UGT8: variants seen among roughly 807,000 people sequenced by gnomAD.
UGT8 encodes 2-hydroxyacylsphingosine 1-beta-galactosyltransferase.
Under a neutral mutation model 40.5 loss-of-function variants are expected in UGT8, and 12 were observed. That is an observed-to-expected ratio of 0.30 (90% CI 0.19 to 0.48). The LOEUF is 0.48. Among genes scored for constraint, UGT8 ranks in the 20% least tolerant of loss-of-function variants. UGT8 has a pLI of 0.99. For synonymous variants in UGT8, 224 were observed against 240.4 expected (o/e 0.93, Z 0.63); for missense variants, 513 against 648.7 (o/e 0.79, Z 2.27).
intron 1 of UGT8, among the ~76,000 whole-genome samples, chr4:114,620,014 A>G (rs990010631): frequency 1.3e-5 from 2 of 151,782 alleles, no homozygotes; most frequent in Non-Finnish European, 2.9e-5. Context: ...TATCTTGACA[A>G]TGCTATTCTA....
At chr4:114,609,368 A>T (rs767856437) in intron 1 of UGT8, among the ~76,000 whole-genome samples, 11 of 152,238 alleles carry the variant, frequency 7.2e-5, no homozygotes, top group Non-Finnish European at 1.3e-4. Context: ...GCCAGTTTTA[A>T]ATAATTCTTG....
intron 2 of UGT8, among the ~76,000 whole-genome samples, chr4:114,646,735 T>A (rs1414304566): frequency 6.6e-6 from 1 of 152,216 alleles, no homozygotes. Flanking sequence ...TTCCATGCTA[T>A]GTGATGCTAA....
In UGT8 at chr4:114,669,232, T is replaced by C. The variant is rs183050932; in HGVS notation, c.1262+928T>C. ...GAGCTCAGGGGTGACCTTCATGCTC[T>C]GGACTCTTAAAGGATCCAGTGTCGG... On this transcript the variant is annotated intron_variant, in intron 5 of 5. Transcript: ENST00000310836. 1.4e-3 allele frequency among the ~76,000 whole-genome samples: 214 copies of C among 152,328 alleles called. 2 individuals are homozygous for C. The highest frequency in any genetic ancestry group is 1.1e-3 in the Non-Finnish European group (74 of 68,028).
At chr4:114,641,241 C>A (rs1474468381) in intron 2 of UGT8, among the ~76,000 whole-genome samples, 1 of 152,194 alleles carries the variant, frequency 6.6e-6, no homozygotes, top group African/African-American at 2.4e-5. Context: ...TCTTCATAGA[C>A]AAGGTTACCC....
chr4:114,599,472 A>G (rs949164230), intron 1 of UGT8, among the ~76,000 whole-genome samples: 2 of 152,100 alleles, frequency 1.3e-5, no homozygotes, highest in Non-Finnish European at 2.9e-5. Flanking sequence ...TCTTCCCCCT[A>G]AGGAGGAACA....
Position 114,676,044 on chromosome 4 carries a change from G to C in UGT8, c.1382G>C (p.Arg461Pro). The change falls in exon 6 of 6, where the codon CGT becomes CCT. Residue 461 changes from arginine (R) to proline (P), a missense_variant. This residue lies in a region of UGT8 where 175 missense variants were observed against 186.7 expected (regional missense o/e 0.94). Transcript: ENST00000310836. ...IIRHNGAHHL[R>P]AAVHQISFCQ... ...CGTCACAATGGAGCCCATCACCTAC[G>C]TGCCGCTGTCCATCAGATCTCCTTT... 6.2e-7 allele frequency: 1 copy of C among 1,614,128 alleles called. No homozygotes were observed. The highest frequency in any genetic ancestry group is 8.5e-7 in the Non-Finnish European group (1 of 1,180,034).
At chr4:114,664,640 C>G (rs1012017693) in intron 3 of UGT8, among the ~76,000 whole-genome samples, 1 of 152,254 alleles carries the variant, frequency 6.6e-6, no homozygotes, top group South Asian at 2.1e-4. Context: ...AACACAATCA[C>G]GTACCATTTA....
intron 1 of UGT8, among the ~76,000 whole-genome samples, chr4:114,601,924 G>A (rs1169612915): frequency 2.0e-5 from 3 of 150,002 alleles, no homozygotes; most frequent in Non-Finnish European, 4.4e-5. Context: ...ATTATCTGTT[G>A]TCTTTTTTTC....
rs933411848 is a variant in UGT8 at position 114,663,658 on chromosome 4, T to G, written c.823-337T>G. ...ATATGTTTAATCCACATCTTTTGTT[T>G]GTGTCTGCATACAAATTTTTTTCTG... On this transcript the variant is annotated intron_variant, in intron 2 of 5. Coordinates refer to ENST00000310836, the MANE Select transcript of UGT8 (RefSeq NM_001128174.3). 8 of 983,128 alleles carry G rather than the reference T, an allele frequency of 8.1e-6. No individual in the cohort carries two copies. In the African/African-American group the frequency reaches 1.4e-4, roughly 17 times the overall value. The allele number at this position is 983,128 out of a possible 1,614,324, so 60.9% of individuals were successfully genotyped here.
At chr4:114,623,764 G>C in intron 2 of UGT8, 62 bp downstream of exon 2, 1 of 1,506,288 alleles carries the variant, frequency 6.6e-7, no homozygotes, top group South Asian at 1.4e-5. Flanking sequence ...TTGATTTTTG[G>C]AAGAGATATG....
intron 2 of UGT8, among the ~76,000 whole-genome samples, chr4:114,640,949 G>T (rs1427886050): frequency 6.6e-6 from 1 of 152,010 alleles, no homozygotes. Context: ...ATCACCAAAA[G>T]GACAGGCTAG....
chr4:114,649,049 C>T (rs553823197), intron 2 of UGT8, among the ~76,000 whole-genome samples: 56 of 152,244 alleles, frequency 3.7e-4, no homozygotes, highest in African/African-American at 1.3e-3. Context: ...AAATTACTAA[C>T]GCAATATGAT....
At chr4:114,669,056 A>C (rs1735069574) in intron 5 of UGT8, among the ~76,000 whole-genome samples, 1 of 152,208 alleles carries the variant, frequency 6.6e-6, no homozygotes, top group African/African-American at 2.4e-5. Context: ...TTTTATGCCT[A>C]GGGGATATGG....
chr4:114,609,463 T>C (rs530931787), intron 1 of UGT8, among the ~76,000 whole-genome samples: 1 of 152,320 alleles, frequency 6.6e-6, no homozygotes, highest in South Asian at 2.1e-4. Flanking sequence ...TTCTTCAAAC[T>C]TCTAAACTAT....
intron 2 of UGT8, among the ~76,000 whole-genome samples, chr4:114,654,443 C>G (rs535878304): frequency 1.3e-5 from 2 of 152,018 alleles, no homozygotes; most frequent in Non-Finnish European, 2.9e-5. Context: ...AAGCAACCAC[C>G]TATTATACCT....
chr4:114,600,968 A>C (rs910837303), intron 1 of UGT8, among the ~76,000 whole-genome samples: 2 of 152,174 alleles, frequency 1.3e-5, no homozygotes, highest in Non-Finnish European at 2.9e-5. Flanking sequence ...GTCTTTAAAA[A>C]CTACAATAAA....
intron 2 of UGT8, among the ~76,000 whole-genome samples, chr4:114,643,113 G>C (rs111284249): frequency 0.021 from 3,178 of 152,210 alleles, 57 homozygotes; most frequent in Non-Finnish European, 0.032. Context: ...AAACAGTAGT[G>C]CCCAGGACTT....
At chr4:114,644,576 T>TA (rs1399752571) in intron 2 of UGT8, among the ~76,000 whole-genome samples, 2 of 152,178 alleles carry the variant, frequency 1.3e-5, no homozygotes, top group East Asian at 3.8e-4. Flanking sequence ...CCTCTTGAGG[T>TA]AGGCACTCAT....
chr4:114,652,961 G>A (rs1388039568), intron 2 of UGT8, among the ~76,000 whole-genome samples: 1 of 152,010 alleles, frequency 6.6e-6, no homozygotes, highest in East Asian at 1.9e-4. Flanking sequence ...CTGTATCATG[G>A]CTCTACATGT....
Sources: allele counts gnomAD v4.1 joint callset (sites outside exome capture counted in the v4.1 genomes callset), GRCh38; gene constraint gnomAD v4.1.1; regional missense constraint gnomAD v4.1.1; transcripts MANE v1.5; gene names NCBI Gene and HGNC (gene_info 2026-07-23, HGNC 2026-07-21).